CFAP54: variants seen among roughly 807,000 people sequenced by gnomAD.
CFAP54 encodes the protein cilia- and flagella-associated protein 54.
Under a neutral mutation model 370.4 loss-of-function variants are expected in CFAP54, and 290 were observed. That is an observed-to-expected ratio of 0.78 (90% CI 0.71 to 0.86). CFAP54 has a LOEUF of 0.86. Among genes scored for constraint, CFAP54 ranks in the 40% least tolerant of loss-of-function variants. CFAP54 has a pLI of 0.00. For synonymous variants in CFAP54, 1,206 were observed against 1,236.5 expected (o/e 0.98, Z 0.52); for missense variants, 3,399 against 3,528.7 (o/e 0.96, Z 0.93).
chr12:96,732,724 T>A (rs1438663353), intron 50 of CFAP54, among the ~76,000 whole-genome samples: 2 of 152,214 alleles, frequency 1.3e-5, no homozygotes, highest in Non-Finnish European at 1.5e-5. Context: ...TGGCTTAGAA[T>A]ATTGTCATAT....
intron 50 of CFAP54, among the ~76,000 whole-genome samples, chr12:96,732,220 G>A (rs2136628927): frequency 1.3e-5 from 2 of 152,164 alleles, no homozygotes; most frequent in East Asian, 3.9e-4. Context: ...CTGCCTCCTG[G>A]GTTCAAATGA....
chr12:96,661,606 C>G (rs1185016306), intron 38 of CFAP54, among the ~76,000 whole-genome samples: 5 of 152,182 alleles, frequency 3.3e-5, no homozygotes, highest in Non-Finnish European at 7.3e-5. Context: ...TGTTTGAAGT[C>G]CTGGAGACTG....
intron 15 of CFAP54, among the ~76,000 whole-genome samples, chr12:96,551,941 A>G (rs997367689): frequency 1.3e-5 from 2 of 152,146 alleles, no homozygotes. Context: ...AGGTGTAAGT[A>G]CTGTAAAGAA....
In CFAP54 at chr12:96,803,071, C is replaced by G. The variant is rs542597193; in HGVS notation, c.8851-8665C>G. ...ATGTGCCACATTTTCTTTATCCAGTCTATCATTGATGGGCATTTGGGTTGG... is the reference window on the plus strand; with the variant it reads ...ATGTGCCACATTTTCTTTATCCAGTGTATCATTGATGGGCATTTGGGTTGG... On this transcript the variant is annotated intron_variant, in intron 63 of 67. Coordinates refer to ENST00000524981, the MANE Select transcript of CFAP54 (RefSeq NM_001306084.2). 2.0e-5 allele frequency among the ~76,000 whole-genome samples: 3 copies of G among 152,288 alleles called. No individual in the cohort carries two copies. In the East Asian group the frequency reaches 5.8e-4, roughly 29 times the overall value.
intron 39 of CFAP54, 34 bp downstream of exon 39, chr12:96,663,966 C>A: frequency 6.7e-7 from 1 of 1,501,418 alleles, no homozygotes; most frequent in Non-Finnish European, 9.2e-7. Context: ...TGTTTGTTTT[C>A]TCTAAATCGA....
chr12:96,789,976 A>G (rs901656911), intron 62 of CFAP54, among the ~76,000 whole-genome samples: 1 of 151,690 alleles, frequency 6.6e-6, no homozygotes, highest in Non-Finnish European at 1.5e-5. Flanking sequence ...GGCTATTTCA[A>G]TCAAACTCGT....
chr12:96,559,935 C>T lies in CFAP54; in HGVS notation c.2411-4533C>T, dbSNP rs573914025. 7.9e-5 allele frequency among the ~76,000 whole-genome samples: 12 copies of T among 152,132 alleles called. No individual in the cohort carries two copies. The South Asian group carries it at 1.5e-3, about 18-fold the overall frequency. On this transcript the variant is annotated intron_variant, in intron 17 of 67. Transcript: ENST00000524981. ...TCCCGTCTAAGAACTCCTTACCTAA[C>T]CCCAGATCATGAAGATTTTCTTATG...
intron 50 of CFAP54, among the ~76,000 whole-genome samples, chr12:96,724,927 T>C (rs1045713977): frequency 5.3e-5 from 8 of 152,218 alleles, no homozygotes; most frequent in African/African-American, 1.7e-4. Flanking sequence ...ATTTATTAAA[T>C]AGGGAATCCT....
At chr12:96,781,657 T>C (rs1043473347) in intron 60 of CFAP54, among the ~76,000 whole-genome samples, 10 of 152,116 alleles carry the variant, frequency 6.6e-5, no homozygotes, top group African/African-American at 2.4e-4. Context: ...TCAAGAGATA[T>C]GACCTGTATT....
Position 96,626,907 on chromosome 12 carries a change from G to A in CFAP54, c.4071G>A (p.Glu1357=), listed in dbSNP as rs1369289836. ...AGGAAAAATTTCATCTTATGGTAGAGGTAACAACTCCTGTCCATGACTTCT... is the reference window on the plus strand; with the variant it reads ...AGGAAAAATTTCATCTTATGGTAGAAGTAACAACTCCTGTCCATGACTTCT... ...MNEEKFHLMV[E]VTTPVHDFLK... The change falls in exon 30 of 68, where the codon GAG becomes GAA. Residue 1357 remains glutamate (E), a synonymous_variant. Coordinates refer to ENST00000524981, the MANE Select transcript of CFAP54 (RefSeq NM_001306084.2). The A allele has an allele frequency of 1.4e-6, 2 of 1,428,864 alleles. No homozygotes were observed. The highest frequency in any genetic ancestry group is 2.4e-5 in the Admixed American group (1 of 42,322). 88.5% of individuals were successfully genotyped at this position (1,428,864 alleles called of 1,614,324 possible).
chr12:96,512,903 A>G (rs1418228894), intron 4 of CFAP54, 83 bp from the exon 5 acceptor site: 3 of 835,776 alleles, frequency 3.6e-6, no homozygotes, highest in Non-Finnish European at 5.4e-6. Context: ...TTTGGGAACT[A>G]CAGACTTGAA....
intron 55 of CFAP54, among the ~76,000 whole-genome samples, chr12:96,749,561 G>C (rs1162239175): frequency 6.6e-6 from 1 of 152,064 alleles, no homozygotes; most frequent in African/African-American, 2.4e-5. Context: ...ATCAAGTCTT[G>C]ATCTGTCTTC....
chr12:96,827,831 A>T (rs1177049935), intron 65 of CFAP54, among the ~76,000 whole-genome samples: 2 of 112,966 alleles, frequency 1.8e-5, no homozygotes, highest in African/African-American at 7.1e-5. Context: ...ATATATAGTT[A>T]TATATAATAT....
intron 4 of CFAP54, among the ~76,000 whole-genome samples, chr12:96,512,753 G>A (rs1405856333): frequency 1.3e-5 from 2 of 152,136 alleles, no homozygotes; most frequent in Non-Finnish European, 1.5e-5. Context: ...TGTAAAATGA[G>A]ACTAGAAGAT....
chr12:96,651,154 C>T (rs958076156), intron 35 of CFAP54, among the ~76,000 whole-genome samples: 22 of 152,200 alleles, frequency 1.4e-4, no homozygotes, highest in Non-Finnish European at 2.6e-4. Context: ...CTGTCAGGTT[C>T]CAACTCATTT....
chr12:96,665,576 A>G (rs1957071618), intron 39 of CFAP54, among the ~76,000 whole-genome samples: 1 of 152,094 alleles, frequency 6.6e-6, no homozygotes, highest in Non-Finnish European at 1.5e-5. Flanking sequence ...TTGAATAGGG[A>G]ATTTTTTTCC....
chr12:96,508,564 G>A (rs1348480305), intron 4 of CFAP54, among the ~76,000 whole-genome samples: 1 of 150,960 alleles, frequency 6.6e-6, no homozygotes, highest in Admixed American at 6.6e-5. Flanking sequence ...GGAATTACAG[G>A]TGTGAGCCAC....
intron 3 of CFAP54, among the ~76,000 whole-genome samples, chr12:96,504,864 C>G (rs995066518): frequency 6.6e-6 from 1 of 152,126 alleles, no homozygotes; most frequent in African/African-American, 2.4e-5. Context: ...CTCCTACTCC[C>G]CTTTTTGTAG....
chr12:96,803,625 G>A (rs1958846954), intron 63 of CFAP54, among the ~76,000 whole-genome samples: 1 of 152,102 alleles, frequency 6.6e-6, no homozygotes, highest in African/African-American at 2.4e-5. Flanking sequence ...GAATACCACT[G>A]ACCTTGTGTA....
Sources: gnomAD v4.1 joint callset for allele counts (sites outside exome capture counted in the v4.1 genomes callset) on GRCh38, gnomAD v4.1.1 for gene constraint, MANE v1.5 for transcripts, NCBI Gene and HGNC (gene_info 2026-07-23, HGNC 2026-07-21) for gene names.